AMOTL2: variants seen among roughly 807,000 people sequenced by gnomAD.
The protein encoded by AMOTL2 is angiomotin-like protein 2.
AMOTL2 carries 33 observed loss-of-function variants against 78.4 expected under a neutral mutation model. The observed-to-expected ratio is 0.42, with a 90% CI of 0.32 to 0.56. The LOEUF (loss-of-function observed/expected upper bound fraction) is 0.56, where lower values mean the gene tolerates loss of function less well. Among genes scored for constraint, AMOTL2 ranks in the 20% least tolerant of loss-of-function variants. The pLI is 0.12. For synonymous variants in AMOTL2, 422 were observed against 428.8 expected, an observed-to-expected ratio of 0.98 and a Z score of 0.20; for missense variants, 983 against 1,030.1, an observed-to-expected ratio of 0.95 and a Z score of 0.63.
Position 134,360,249 on chromosome 3 carries a change from C to T in AMOTL2, c.1740G>A (p.Arg580=). The T allele has an allele frequency of 6.2e-7, 1 of 1,614,198 alleles. No individual in the cohort carries two copies. The highest frequency in any genetic ancestry group is 8.5e-7 in the Non-Finnish European group (1 of 1,180,012). Residue 580 remains arginine, a synonymous_variant, in exon 7 of 10, where the codon AGG becomes AGA. Transcript: ENST00000249883. ...EQKYLEERAM[R]QFAMDAAATA... ...TGGCAGCCGCATCCATGGCAAACTG[C>T]CTCATGGCACGTTCCTCCAAATACT...
At chr3:134,369,730 G>C (rs1242805781) in intron 2 of AMOTL2, among the ~76,000 whole-genome samples, 2 of 152,210 alleles carry the variant, frequency 1.3e-5, no homozygotes, top group African/African-American at 2.4e-5. Context: ...CTTTGACCTT[G>C]GGCCACCAGA....
chr3:134,371,248 G>A lies in AMOTL2; in HGVS notation c.186C>T (p.Asp62=). 6.2e-7 allele frequency: 1 copy of A among 1,613,104 alleles called. No individual in the cohort carries two copies. The highest frequency in any genetic ancestry group is 1.1e-5 in the South Asian group (1 of 91,058). ...TGGTGGCCTGCTGCAGCACCTGACT[G>A]TCCTCTGGGGCCAGGATCTCCAGGG... ...QASLEILAPE[D]SQVLQQATRQ... The change falls in exon 2 of 10, where the codon GAC becomes GAT. Residue 62 remains aspartate (D), a synonymous_variant. Coordinates refer to ENST00000249883, the MANE Select transcript of AMOTL2 (RefSeq NM_016201.4).
In AMOTL2 at chr3:134,371,367, C is replaced by A. The variant is rs780963891; in HGVS notation, c.67G>T (p.Gly23Cys). 6.2e-7 allele frequency: 1 copy of A among 1,609,790 alleles called. No individual in the cohort carries two copies. The highest frequency in any genetic ancestry group is 1.1e-5 in the South Asian group (1 of 91,062). ...AGCGTGCGCGTCTCAGTCAGGTTGC[C>A]GTAGCGCAGCTGCTCCTGGATGAGG... Reference protein sequence around the residue: ...HRLIQEQLRYGNLTETRTLLA... With the variant: ...HRLIQEQLRYCNLTETRTLLA... Residue 23 changes from glycine to cysteine, a missense_variant, in exon 2 of 10, where the codon GGC becomes TGC. Coordinates refer to ENST00000249883, the MANE Select transcript of AMOTL2 (RefSeq NM_016201.4).
chr3:134,371,196 G>C lies in AMOTL2; in HGVS notation c.238C>G (p.Gln80Glu), dbSNP rs2107748719. ...TCTGCCAGGTGGTTCTCACCGCCCT[G>C]GTGCTCCTGGCCCTGGGGCTCCTGC... Reference protein sequence around the residue: ...TRQEPQGQEHQGGENHLAENT... With the variant: ...TRQEPQGQEHEGGENHLAENT... Residue 80 changes from glutamine (Q) to glutamate (E), a missense_variant, in exon 2 of 10, where the codon CAG becomes GAG. Physicochemically the swap from Gln to Glu is conservative, Grantham distance 29. Coordinates refer to ENST00000249883, the MANE Select transcript of AMOTL2 (RefSeq NM_016201.4). 1.9e-6 allele frequency: 3 copies of C among 1,613,774 alleles called. No individual in the cohort carries two copies. In the East Asian group the frequency reaches 6.7e-5, roughly 36 times the overall value.
At position 134,371,413 on chromosome 3, in the gene AMOTL2, G is replaced by T. The variant is rs775575888; in HGVS notation, c.21C>A (p.Ser7=). ...TGAGGCGGTGCAGGACTGTCCCCGA[G>T]GAGTCTTCCAGTGTCCTCATGCTTC... MRTLED[S]SGTVLHRLIQ... The change falls in exon 2 of 10, where the codon TCC becomes TCA. Residue 7 remains serine, a synonymous_variant. Transcript: ENST00000249883. 3 of 1,604,266 alleles carry T rather than the reference G, an allele frequency of 1.9e-6. No homozygotes were observed. The highest frequency in any genetic ancestry group is 1.7e-5 in the Admixed American group (1 of 60,026).
At chr3:134,373,739 G>C in intron 1 of AMOTL2, 1 of 985,418 alleles carries the variant, frequency 1.0e-6, no homozygotes, top group Non-Finnish European at 1.2e-6. Context: ...AGGGTAGCCC[G>C]AGGCCCGGAG....
At position 134,355,494 on chromosome 3, in the gene AMOTL2, A is replaced by G. The variant is rs775127343; in HGVS notation, c.*2211T>C. Reference sequence around the variant, plus strand: ...CTCTGCATGGTGCCTGGCCTTCTGGATGGTTTCGGACAAAACTTTATGTGC... The same window carrying G: ...CTCTGCATGGTGCCTGGCCTTCTGGGTGGTTTCGGACAAAACTTTATGTGC... On this transcript the variant is annotated 3_prime_UTR_variant, in exon 10 of 10. Transcript: ENST00000249883. Among the ~76,000 whole-genome samples, 6 of 152,190 alleles carry G rather than the reference A, an allele frequency of 3.9e-5. No individual in the cohort carries two copies. Among genetic ancestry groups the G allele is most frequent in the Non-Finnish European group, 8.8e-5 (6 of 68,038 alleles).
chr3:134,366,037 T>C (rs937726527), intron 4 of AMOTL2, 128 bp from the exon 5 acceptor site: 1 of 1,122,094 alleles, frequency 8.9e-7, no homozygotes, highest in African/African-American at 1.6e-5. Context: ...AAACCCCAGC[T>C]CAGCTCAGGG....
chr3:134,364,916 C>T (rs2017538780), intron 5 of AMOTL2, among the ~76,000 whole-genome samples: 1 of 152,124 alleles, frequency 6.6e-6, no homozygotes, highest in Admixed American at 6.5e-5. Context: ...TTAGTCTCTT[C>T]TGATTGCTAG....
chr3:134,355,515 T>C lies in AMOTL2; in HGVS notation c.*2190A>G, dbSNP rs1359173032. 1.3e-5 allele frequency among the ~76,000 whole-genome samples: 2 copies of C among 152,188 alleles called. No individual in the cohort carries two copies. The highest frequency in any genetic ancestry group is 6.5e-5 in the Admixed American group (1 of 15,288). On this transcript the variant is annotated 3_prime_UTR_variant, in exon 10 of 10. Coordinates refer to ENST00000249883, the MANE Select transcript of AMOTL2 (RefSeq NM_016201.4). Reference sequence around the variant, plus strand: ...CTGGATGGTTTCGGACAAAACTTTATGTGCTAGGTGGGAGTGGGAAAAGGA... The same window carrying C: ...CTGGATGGTTTCGGACAAAACTTTACGTGCTAGGTGGGAGTGGGAAAAGGA...
chr3:134,365,770 C>T, intron 5 of AMOTL2, 47 bp downstream of exon 5: 2 of 1,525,108 alleles, frequency 1.3e-6, no homozygotes, highest in Non-Finnish European at 1.8e-6. Context: ...TGCAGCAGTC[C>T]CATTGCCTGC....
chr3:134,373,832 G>C, intron 1 of AMOTL2: 1 of 985,404 alleles, frequency 1.0e-6, no homozygotes, highest in Non-Finnish European at 1.2e-6. Flanking sequence ...ACGTCACCGG[G>C]CTGGACAGCA....
Position 134,357,004 on chromosome 3 carries a change from T to C in AMOTL2, c.*701A>G, listed in dbSNP as rs932409918. 1.3e-5 allele frequency: 2 copies of C among 152,712 alleles called. No individual in the cohort carries two copies. Among genetic ancestry groups the C allele is most frequent in the African/African-American group, 2.4e-5 (1 of 41,422 alleles). 9.5% of individuals were successfully genotyped at this position (152,712 alleles called of 1,614,324 possible). ...AGTAGGAAGAGGGGAGCACAGCCCA[T>C]GGAGACACATCGGAACCTGCAGGCC... is the stretch of plus-strand genomic sequence containing the variant. On this transcript the variant is annotated 3_prime_UTR_variant, in exon 10 of 10. Coordinates refer to ENST00000249883, the MANE Select transcript of AMOTL2 (RefSeq NM_016201.4).
chr3:134,360,072 C>A (rs367916829), intron 7 of AMOTL2, 34 bp downstream of exon 7: 10 of 1,582,864 alleles, frequency 6.3e-6, no homozygotes, highest in Non-Finnish European at 8.6e-6. Context: ...CACCCACCCC[C>A]CCAACCTCAG....
At chr3:134,364,153 C>G (rs2017498621) in intron 5 of AMOTL2, among the ~76,000 whole-genome samples, 1 of 152,118 alleles carries the variant, frequency 6.6e-6, no homozygotes, top group Non-Finnish European at 1.5e-5. Context: ...TGTGCTCACC[C>G]TCCCTCCTCC....
upstream of AMOTL2, chr3:134,374,953 G>A (rs1333140463): frequency 7.3e-7 from 1 of 1,367,542 alleles, no homozygotes; most frequent in Non-Finnish European, 9.5e-7. Context: ...GGGGAGGTGG[G>A]AAAGGGAGGA....
chr3:134,374,612 C>T, upstream of AMOTL2: 1 of 985,442 alleles, frequency 1.0e-6, no homozygotes, highest in Non-Finnish European at 1.2e-6. Flanking sequence ...CCGCTCCCTC[C>T]TCCCGGCCCC....
chr3:134,374,199 A>C, intron 1 of AMOTL2, 143 bp downstream of exon 1: 1 of 974,456 alleles, frequency 1.0e-6, no homozygotes, highest in African/African-American at 1.8e-5. Flanking sequence ...CTGCCTCGAA[A>C]GGGCGCACTG....
rs113119135 is a variant in AMOTL2 at position 134,357,884 on chromosome 3, G to A, written c.2285-121C>T. On this transcript the variant is annotated intron_variant, in intron 9 of 9. Transcript: ENST00000249883. ...CAACTTTTCCCACCTCTGCTGCCCA[G>A]GTTCCCAGAACTCGGCCAACCAAGC... 1.6e-3 allele frequency: 1,718 copies of A among 1,057,058 alleles called. 26 individuals carry two copies. The African/African-American group carries it at 0.023, about 14-fold the overall frequency. The allele number at this position is 1,057,058 out of a possible 1,614,324, so 65.5% of individuals were successfully genotyped here. A position where few individuals can be genotyped will look rare whatever the true frequency, so the allele number is the denominator to read the frequency against.
Sources: gnomAD v4.1 joint callset for allele counts (sites outside exome capture counted in the v4.1 genomes callset) on GRCh38, gnomAD v4.1.1 for gene constraint, MANE v1.5 for transcripts, NCBI Gene and HGNC (gene_info 2026-07-23, HGNC 2026-07-21) for gene names.